The following VEZT variants were observed in gnomAD, a reference collection of about 807,000 sequenced individuals.
The protein encoded by VEZT is vezatin, adherens junctions transmembrane protein.
A neutral mutation model predicts 79.9 loss-of-function variants in VEZT; 39 were observed. The observed-to-expected ratio is 0.49, with a 90% CI of 0.38 to 0.64. The LOEUF (loss-of-function observed/expected upper bound fraction) is 0.64. Ranked by LOEUF, VEZT falls within the 30% of genes least tolerant of loss-of-function variation. The pLI, the probability that VEZT is intolerant of heterozygous loss-of-function variation, is 0.00. For synonymous variants in VEZT, 325 were observed against 327.6 expected (o/e 0.99, Z 0.09); for missense variants, 837 against 893.1 (o/e 0.94, Z 0.80).
chr12:95,227,823 T>A (rs1244446000), intron 1 of VEZT, among the ~76,000 whole-genome samples: 1 of 152,134 alleles, frequency 6.6e-6, no homozygotes, highest in Non-Finnish European at 1.5e-5. Flanking sequence ...GAGGGAAGAG[T>A]GCCTGGAAAT....
intron 11 of VEZT, chr12:95,299,519 A>T (rs972578975): frequency 1.3e-5 from 2 of 152,188 alleles, no homozygotes; most frequent in Non-Finnish European, 2.9e-5. Context: ...AAATGTGTAG[A>T]AGTTATGGCT....
chr12:95,284,959 G>A (rs558733685), intron 8 of VEZT, among the ~76,000 whole-genome samples: 2 of 151,980 alleles, frequency 1.3e-5, no homozygotes, highest in Non-Finnish European at 2.9e-5. Context: ...GGTGGCAGGC[G>A]CCTGTAGTCC....
intron 1 of VEZT, among the ~76,000 whole-genome samples, chr12:95,239,012 A>G (rs1045634237): frequency 6.6e-6 from 1 of 152,222 alleles, no homozygotes; most frequent in African/African-American, 2.4e-5. Context: ...AGAAAAGTAT[A>G]TAGTATATTT....
intron 1 of VEZT, among the ~76,000 whole-genome samples, chr12:95,224,845 G>A (rs1483434542): frequency 6.6e-6 from 1 of 152,212 alleles, no homozygotes; most frequent in African/African-American, 2.4e-5. Flanking sequence ...CCAGATGGAG[G>A]ATGGTTTCAG....
intron 11 of VEZT, among the ~76,000 whole-genome samples, chr12:95,298,180 C>T (rs865847471): frequency 1.3e-5 from 2 of 151,782 alleles, no homozygotes; most frequent in Non-Finnish European, 2.9e-5. Flanking sequence ...ACCAAGAATT[C>T]TGCCTTCTCC....
At chr12:95,239,867 AC>A (rs1383932641) in intron 1 of VEZT, among the ~76,000 whole-genome samples, 2 of 151,676 alleles carry the variant, frequency 1.3e-5, no homozygotes, top group Non-Finnish European at 2.9e-5. Context: ...CAGGAAAATC[AC>A]TTGAACCTGA....
intron 4 of VEZT, among the ~76,000 whole-genome samples, chr12:95,264,578 A>G (rs534682970): frequency 1.3e-5 from 2 of 152,134 alleles, no homozygotes; most frequent in Admixed American, 1.3e-4. Context: ...CTGGGACTAT[A>G]GGAGCATGCC....
chr12:95,274,111 A>G (rs547121468), intron 6 of VEZT, among the ~76,000 whole-genome samples: 7 of 152,310 alleles, frequency 4.6e-5, no homozygotes, highest in Non-Finnish European at 8.8e-5. Flanking sequence ...ACTATAGCAT[A>G]GTGAGGGCCC....
intron 1 of VEZT, among the ~76,000 whole-genome samples, chr12:95,250,979 G>GATTTTACTTA (rs1437274937): frequency 6.6e-6 from 1 of 152,076 alleles, no homozygotes; most frequent in Non-Finnish European, 1.5e-5. Context: ...GCTAGTAAGA[G>GATTTTACTTA]GCAGAGTCGG....
At chr12:95,265,529 A>T (rs1191536565) in intron 4 of VEZT, among the ~76,000 whole-genome samples, 1 of 151,436 alleles carries the variant, frequency 6.6e-6, no homozygotes, top group Admixed American at 6.6e-5. Context: ...TTTTAAATCT[A>T]TAAAATCGGA....
At chr12:95,256,535 C>G in intron 2 of VEZT, 1 of 1,265,476 alleles carries the variant, frequency 7.9e-7, no homozygotes, top group Non-Finnish European at 1.0e-6. Context: ...TCTTTTTTCC[C>G]ATGACCCTTT....
At position 95,252,262 on chromosome 12, in the gene VEZT, A is replaced by G. The variant is rs879024738; in HGVS notation, c.168+191A>G. The G allele has an allele frequency of 1.3e-5, 6 of 465,914 alleles. No homozygotes were observed. The South Asian group carries it at 3.3e-4, about 26-fold the overall frequency. 28.9% of individuals were successfully genotyped at this position (465,914 alleles called of 1,614,324 possible). On this transcript the variant is annotated intron_variant, in intron 2 of 11. Transcript: ENST00000436874. Reference sequence around the variant, plus strand: ...TTGGAATACTTTGTAGGTAATTTATATCCAGTGAGGAAATAATTTGGTAGA... The same window carrying G: ...TTGGAATACTTTGTAGGTAATTTATGTCCAGTGAGGAAATAATTTGGTAGA...
chr12:95,294,480 G>T, intron 10 of VEZT, 108 bp downstream of exon 10: 1 of 892,834 alleles, frequency 1.1e-6, no homozygotes, highest in Non-Finnish European at 1.7e-6. Flanking sequence ...AGTTCTTAGT[G>T]CTTAACTCTG....
At chr12:95,229,370 A>G (rs2058930562) in intron 1 of VEZT, among the ~76,000 whole-genome samples, 1 of 152,070 alleles carries the variant, frequency 6.6e-6, no homozygotes, top group South Asian at 2.1e-4. Flanking sequence ...GAAGGTTTTC[A>G]TTTTTTTAAA....
At position 95,217,857 on chromosome 12, in the gene VEZT, C is replaced by G. The variant is rs549564314; in HGVS notation, c.7C>G (p.Pro3Ala). 3 of 1,536,626 alleles carry G rather than the reference C, an allele frequency of 2.0e-6. No homozygotes were observed. The highest frequency in any genetic ancestry group is 2.6e-6 in the Non-Finnish European group (3 of 1,146,944). Residue 3 changes from proline (P) to alanine (A), a missense_variant, in exon 1 of 12, where the codon CCG becomes GCG. Pro to Ala is a conservative substitution (Grantham distance 27). Transcript: ENST00000436874. ...GGTGGCATGGCGGAGAAGGATGACA[C>G]CGGAGTTTGACGAAGAGGTGGTTTT... Reference protein sequence around the residue: MTPEFDEEVVFEN... With the variant: MTAEFDEEVVFEN...
chr12:95,250,786 G>A (rs1158834551), intron 1 of VEZT, among the ~76,000 whole-genome samples: 3 of 146,988 alleles, frequency 2.0e-5, no homozygotes, highest in Non-Finnish European at 4.5e-5. Flanking sequence ...AATCTGTGCT[G>A]TTTCCACATA....
chr12:95,287,614 T>G (rs2071323258), intron 8 of VEZT, 50 bp from the exon 9 acceptor site: 1 of 1,395,050 alleles, frequency 7.2e-7, no homozygotes, highest in African/African-American at 1.5e-5. Flanking sequence ...AATTATAAAT[T>G]TTTCATTTCA....
rs531470163 is a variant in VEZT, at chr12:95,225,761, C to CAAA, written c.36+7905_36+7907dup. 3.5e-3 allele frequency among the ~76,000 whole-genome samples: 145 copies of CAAA among 40,852 alleles called. 7 individuals are homozygous for CAAA. Among genetic ancestry groups the CAAA allele is most frequent in the Middle Eastern group, 0.019 (1 of 52 alleles). 26.8% of individuals were successfully genotyped at this position (40,852 alleles called of 152,430 possible). A position where few individuals can be genotyped will look rare whatever the true frequency, so the allele number is the denominator to read the frequency against. On this transcript the variant is annotated intron_variant, in intron 1 of 11. Transcript: ENST00000436874. ...TTGCCTCCACAGCTTTGTTTCATAGCAAAAAAAAAAAAAAAAAAAAAAAAA... is the reference window on the plus strand; with the variant it reads ...TTGCCTCCACAGCTTTGTTTCATAGCAAAAAAAAAAAAAAAAAAAAAAAAAAAA...
chr12:95,222,339 A>T (rs951359552), intron 1 of VEZT, among the ~76,000 whole-genome samples: 3 of 152,206 alleles, frequency 2.0e-5, no homozygotes, highest in Admixed American at 1.3e-4. Flanking sequence ...ACAAGTGAAG[A>T]TCAACATTTT....
Sources: gnomAD v4.1 joint callset for allele counts (sites outside exome capture counted in the v4.1 genomes callset) on GRCh38, gnomAD v4.1.1 for gene constraint, MANE v1.5 for transcripts, NCBI Gene and HGNC (gene_info 2026-07-23, HGNC 2026-07-21) for gene names.